The following SLC14A2 variants were observed in gnomAD, a reference collection of about 807,000 sequenced individuals.
SLC14A2 encodes the protein solute carrier family 14 member 2, also known as urea transporter 2.
In SLC14A2, 91 loss-of-function variants were observed where a neutral mutation model predicts 104.6. The observed-to-expected ratio is 0.87, with a 90% confidence interval of 0.73 to 1.04. SLC14A2 has a LOEUF of 1.04. SLC14A2 is among the 50% of genes least tolerant of loss of function. The pLI, the probability that SLC14A2 is intolerant of heterozygous loss-of-function variation, is 0.00. For synonymous variants in SLC14A2, 476 were observed against 466.4 expected, an observed-to-expected ratio of 1.02 and a Z score of -0.27; for missense variants, 1,189 against 1,156.0, an observed-to-expected ratio of 1.03 and a Z score of -0.41.
chr18:45,644,635 AAG>A (rs890850120), intron 10 of SLC14A2, among the ~76,000 whole-genome samples: 2 of 152,148 alleles, frequency 1.3e-5, no homozygotes, highest in Non-Finnish European at 2.9e-5. Context: ...AATGACCACA[AAG>A]AGAGGAATTT....
intron 1 of SLC14A2, among the ~76,000 whole-genome samples, chr18:45,347,620 C>T (rs1322976292): frequency 6.6e-6 from 1 of 152,164 alleles, no homozygotes; most frequent in Non-Finnish European, 1.5e-5. Flanking sequence ...CTAATACCAT[C>T]TGGTTATAAT....
chr18:45,504,352 A>G (rs1258808886), intron 2 of SLC14A2, among the ~76,000 whole-genome samples: 1 of 152,186 alleles, frequency 6.6e-6, no homozygotes, highest in Non-Finnish European at 1.5e-5. Context: ...GCTAATCATA[A>G]ACGGTTTGCT....
rs576295837 is a variant in SLC14A2 at position 45,236,641 on chromosome 18, ACTTTTT to A, written c.-125+23461_-125+23466del. The stretch of plus-strand genomic sequence containing the variant: ...TATATATGTGTGGGTGTATACACAC[ACTTTTT>A]CTTTTTCTTTCTTTCATCAATGGAC... On this transcript the variant is annotated intron_variant, in intron 1 of 20. Coordinates refer to the SLC14A2 transcript ENST00000586448. Among the ~76,000 whole-genome samples, 759 of 150,540 alleles carry A rather than the reference ACTTTTT, an allele frequency of 5.0e-3. 15 individuals carry two copies. Among genetic ancestry groups the A allele is most frequent in the African/African-American group, 0.017 (699 of 40,588 alleles).
At chr18:45,556,523 C>T (rs1214823809) in intron 2 of SLC14A2, among the ~76,000 whole-genome samples, 2 of 152,162 alleles carry the variant, frequency 1.3e-5, no homozygotes, top group Non-Finnish European at 2.9e-5. Flanking sequence ...GGTTCTCGGC[C>T]TACTTCAGAC....
intron 1 of SLC14A2, among the ~76,000 whole-genome samples, chr18:45,244,640 TG>T (rs1309333305): frequency 2.2e-5 from 3 of 135,008 alleles, no homozygotes; most frequent in Non-Finnish European, 3.2e-5. Context: ...GAAAAAGGAG[TG>T]GGGGGGTGGG....
At chr18:45,625,463 A>G (rs990680573) in intron 2 of SLC14A2, among the ~76,000 whole-genome samples, 1 of 152,242 alleles carries the variant, frequency 6.6e-6, no homozygotes, top group African/African-American at 2.4e-5. Flanking sequence ...GATCCATGGC[A>G]CAAAGGTGAA....
the SLC14A2 span, among the ~76,000 whole-genome samples, chr18:45,186,897 C>T: frequency 3.3e-5 from 5 of 152,050 alleles, no homozygotes; most frequent in Non-Finnish European, 7.4e-5. Flanking sequence ...GGTGAAGATC[C>T]TCTCGTGGCT....
intron 1 of SLC14A2, among the ~76,000 whole-genome samples, chr18:45,270,329 C>G (rs924731780): frequency 3.3e-5 from 5 of 152,024 alleles, no homozygotes; most frequent in African/African-American, 1.2e-4. Context: ...TTAAGATATT[C>G]TCCTGGGAAA....
intron 1 of SLC14A2, among the ~76,000 whole-genome samples, chr18:45,289,220 C>G (rs1473126666): frequency 6.6e-6 from 1 of 152,034 alleles, no homozygotes; most frequent in Non-Finnish European, 1.5e-5. Context: ...ATTTTCTTAT[C>G]ACATTTTTAA....
rs187984992 is a variant in SLC14A2, at chr18:45,389,912, A to G, written c.-124-93321A>G. ...TAATCTTCGAGAATGTAACTGTAGC[A>G]CGTAAAAGTCCCATTGGGATATCTC... On this transcript the variant is annotated intron_variant, in intron 1 of 20. Coordinates refer to the SLC14A2 transcript ENST00000586448. Among the ~76,000 whole-genome samples the G allele has an allele frequency of 1.5e-3, 226 of 152,366 alleles. 1 individual carries two copies. The highest frequency in any genetic ancestry group is 2.6e-3 in the Non-Finnish European group (174 of 68,034).
chr18:45,590,656 C>G (rs977270494), intron 2 of SLC14A2, among the ~76,000 whole-genome samples: 9 of 152,162 alleles, frequency 5.9e-5, no homozygotes, highest in Admixed American at 5.9e-4. Context: ...CAGACAGGAA[C>G]ATCAGGACCC....
intron 1 of SLC14A2, among the ~76,000 whole-genome samples, chr18:45,420,612 A>G (rs541256256): frequency 1.3e-5 from 2 of 152,348 alleles, no homozygotes; most frequent in Non-Finnish European, 2.9e-5. Context: ...AATTCCTTTA[A>G]TCTGATATAA....
intron 1 of SLC14A2, among the ~76,000 whole-genome samples, chr18:45,327,450 C>T (rs930695940): frequency 1.3e-5 from 2 of 152,156 alleles, no homozygotes; most frequent in African/African-American, 4.8e-5. Flanking sequence ...ACCATCACCA[C>T]TATCCATCTC....
intron 1 of SLC14A2, among the ~76,000 whole-genome samples, chr18:45,251,239 C>T (rs1247915025): frequency 1.3e-5 from 2 of 152,296 alleles, no homozygotes; most frequent in Non-Finnish European, 1.5e-5. Context: ...TTTGCATCCT[C>T]ATAGTTTAGC....
At chr18:45,290,332 T>C (rs554487493) in intron 1 of SLC14A2, among the ~76,000 whole-genome samples, 86 of 152,240 alleles carry the variant, frequency 5.6e-4, no homozygotes, top group African/African-American at 2.0e-3. Flanking sequence ...CATTGCAAAA[T>C]TTTTTGTGCC....
intron 1 of SLC14A2, among the ~76,000 whole-genome samples, chr18:45,363,328 A>G (rs772882670): frequency 1.3e-5 from 2 of 152,102 alleles, no homozygotes; most frequent in Non-Finnish European, 2.9e-5. Context: ...GGAATTTCTA[A>G]TAATTGTATC....
intron 6 of SLC14A2, among the ~76,000 whole-genome samples, chr18:45,639,432 A>G (rs1351888733): frequency 6.6e-6 from 1 of 152,182 alleles, no homozygotes; most frequent in Non-Finnish European, 1.5e-5. Flanking sequence ...TGAAACTCCC[A>G]GCGGCATTCT....
At chr18:45,666,912 T>C in intron 12 of SLC14A2, 23 bp from the exon 13 acceptor site, 1 of 1,609,298 alleles carries the variant, frequency 6.2e-7, no homozygotes, top group Non-Finnish European at 8.5e-7. Context: ...TGGGAGACTC[T>C]TGCCTATCTC....
At chr18:45,188,970 G>A in the SLC14A2 span, among the ~76,000 whole-genome samples, 2 of 152,310 alleles carry the variant, frequency 1.3e-5, no homozygotes, top group African/African-American at 4.8e-5. Context: ...CCTGTTGAAT[G>A]ATTCTACGAA....
Sources: gnomAD v4.1 joint callset for allele counts (sites outside exome capture counted in the v4.1 genomes callset) on GRCh38, gnomAD v4.1.1 for gene constraint, MANE v1.5 for transcripts, NCBI Gene and HGNC (gene_info 2026-07-23, HGNC 2026-07-21) for gene names.